Variants in BMPR1B observed in about 807,000 individuals in gnomAD.
BMPR1B encodes the protein bone morphogenetic protein receptor type 1B.
BMPR1B carries 12 observed loss-of-function variants against 59.1 expected under a neutral mutation model. That is an observed-to-expected ratio of 0.20 (90% confidence interval 0.13 to 0.33). The LOEUF is 0.33. BMPR1B is among the 10% of genes least tolerant of loss of function. The probability of loss-of-function intolerance (pLI) is 1.00; values close to 1 mark genes in which losing one functional copy is unlikely to be tolerated. For missense variants in BMPR1B, 550 were observed against 610.9 expected (o/e 0.90, Z 1.05); for synonymous variants, 237 against 207.3 (o/e 1.14, Z -1.23).
chr4:94,899,286 C>CT (rs1727709485), intron 2 of BMPR1B, among the ~76,000 whole-genome samples: 1 of 151,780 alleles, frequency 6.6e-6, no homozygotes, highest in Admixed American at 6.6e-5. Flanking sequence ...TCCACAAACT[C>CT]TTTTTTAAAA....
Position 94,894,679 on chromosome 4 carries a change from A to G in BMPR1B, c.-113+18779A>G, listed in dbSNP as rs149766585. The stretch of plus-strand genomic sequence containing the variant: ...ACTAGGCATTTATTTTCCCTGAGAT[A>G]TCTTTTGATCATTTTTCTAAAAGGG... On this transcript the variant is annotated intron_variant, in intron 2 of 12. Coordinates refer to ENST00000515059, the MANE Select transcript of BMPR1B (RefSeq NM_001203.3). Among the ~76,000 whole-genome samples, 347 of 151,690 alleles carry G rather than the reference A, an allele frequency of 2.3e-3. 4 individuals carry two copies. The highest frequency in any genetic ancestry group is 7.8e-3 in the African/African-American group (323 of 41,184).
chr4:94,990,864 G>A (rs147860182), intron 2 of BMPR1B, among the ~76,000 whole-genome samples: 240 of 151,936 alleles, frequency 1.6e-3, no homozygotes, highest in African/African-American at 5.3e-3. Context: ...TCTTTTCTTC[G>A]TGGCCGAACT....
chr4:95,136,607 A>G (rs1733809028), intron 10 of BMPR1B, among the ~76,000 whole-genome samples: 1 of 152,122 alleles, frequency 6.6e-6, no homozygotes, highest in Non-Finnish European at 1.5e-5. Flanking sequence ...TAGTCTATTC[A>G]GGGATTCAGC....
At chr4:94,909,107 GCTTT>G (rs1728178422) in intron 2 of BMPR1B, among the ~76,000 whole-genome samples, 2 of 151,918 alleles carry the variant, frequency 1.3e-5, no homozygotes, top group Admixed American at 6.6e-5. Context: ...CTTTCACATG[GCTTT>G]CTTTATGTAT....
intron 2 of BMPR1B, among the ~76,000 whole-genome samples, chr4:94,890,936 G>A (rs1376567453): frequency 6.6e-6 from 1 of 151,996 alleles, no homozygotes; most frequent in Non-Finnish European, 1.5e-5. Context: ...AGTGGTTAAA[G>A]GAAAGGACCA....
chr4:94,998,136 T>C (rs1722187098), intron 3 of BMPR1B, among the ~76,000 whole-genome samples: 1 of 152,220 alleles, frequency 6.6e-6, no homozygotes, highest in Non-Finnish European at 1.5e-5. Flanking sequence ...TGAAATGCCT[T>C]GTCAGTATTA....
chr4:95,119,838 A>G lies in BMPR1B; in HGVS notation c.350-3972A>G, dbSNP rs557773239. ...ATCATGAAGTTTGGATAAGAAATTCATAGTGGATTTTTGTTTGTAATAGAT... is the reference window on the plus strand; with the variant it reads ...ATCATGAAGTTTGGATAAGAAATTCGTAGTGGATTTTTGTTTGTAATAGAT... On this transcript the variant is annotated intron_variant, in intron 6 of 12. Coordinates refer to ENST00000515059, the MANE Select transcript of BMPR1B (RefSeq NM_001203.3). Among the ~76,000 whole-genome samples, 18 of 152,348 alleles carry G rather than the reference A, an allele frequency of 1.2e-4. No homozygotes were observed. The East Asian group carries it at 2.1e-3, about 18-fold the overall frequency.
intron 1 of BMPR1B, among the ~76,000 whole-genome samples, chr4:94,799,630 T>C (rs1402546633): frequency 2.0e-5 from 3 of 151,570 alleles, no homozygotes; most frequent in Non-Finnish European, 4.4e-5. Context: ...TGATTTTTTT[T>C]CCCTCTTTTG....
intron 3 of BMPR1B, among the ~76,000 whole-genome samples, chr4:95,053,911 T>A (rs1452545236): frequency 1.3e-5 from 2 of 152,188 alleles, no homozygotes; most frequent in African/African-American, 4.8e-5. Flanking sequence ...AGTTAAATAT[T>A]CCTTGACAAC....
intron 2 of BMPR1B, 200 bp from the exon 3 acceptor site, chr4:94,995,840 A>G (rs1174103738): frequency 6.6e-6 from 1 of 152,238 alleles, no homozygotes; most frequent in Non-Finnish European, 1.5e-5. Flanking sequence ...CACGGTGTTC[A>G]GTAACACAGA....
chr4:94,819,312 A>G (rs973106564), intron 1 of BMPR1B, among the ~76,000 whole-genome samples: 2 of 152,186 alleles, frequency 1.3e-5, no homozygotes, highest in African/African-American at 4.8e-5. Context: ...TACCGCTACA[A>G]CTTCTCTTTG....
intron 1 of BMPR1B, among the ~76,000 whole-genome samples, chr4:94,764,378 G>A (rs1721886695): frequency 6.6e-6 from 1 of 152,204 alleles, no homozygotes; most frequent in Non-Finnish European, 1.5e-5. Context: ...CTCTTCCCAA[G>A]GTATTCTTCT....
intron 2 of BMPR1B, among the ~76,000 whole-genome samples, chr4:94,953,482 C>T (rs1437101273): frequency 8.5e-5 from 13 of 152,124 alleles, no homozygotes; most frequent in Admixed American, 8.5e-4. Flanking sequence ...TCAGCATTTG[C>T]TTGTGTATAA....
intron 1 of BMPR1B, among the ~76,000 whole-genome samples, chr4:94,863,846 C>T (rs765951410): frequency 2.0e-5 from 3 of 152,156 alleles, no homozygotes; most frequent in Admixed American, 1.3e-4. Flanking sequence ...TTCCCGAAAC[C>T]GTATCTGAAT....
At chr4:95,114,935 G>C (rs963215245) in intron 5 of BMPR1B, 113 bp downstream of exon 5, 6 of 1,009,820 alleles carry the variant, frequency 5.9e-6, no homozygotes, top group African/African-American at 1.6e-5. Flanking sequence ...ATAGTCATGA[G>C]CTGCACAAAA....
chr4:94,958,483 G>A, intron 2 of BMPR1B, among the ~76,000 whole-genome samples: 1 of 152,104 alleles, frequency 6.6e-6, no homozygotes, highest in Non-Finnish European at 1.5e-5. Context: ...GCTACCCTTT[G>A]CTGCTTCCTT....
intron 2 of BMPR1B, among the ~76,000 whole-genome samples, chr4:94,978,432 G>A (rs780445097): frequency 2.0e-4 from 31 of 152,130 alleles, no homozygotes; most frequent in Non-Finnish European, 4.3e-4. Flanking sequence ...GTAGTTTCAA[G>A]GTCTCTCTAG....
intron 3 of BMPR1B, among the ~76,000 whole-genome samples, chr4:95,072,919 A>G (rs1343854009): frequency 6.6e-6 from 1 of 152,114 alleles, no homozygotes; most frequent in Non-Finnish European, 1.5e-5. Flanking sequence ...AAGCATAATC[A>G]TTTTCTTGAG....
chr4:95,123,753 CTTATT>C (rs1273801038), intron 6 of BMPR1B, 52 bp from the exon 7 acceptor site: 2 of 1,341,910 alleles, frequency 1.5e-6, no homozygotes, highest in African/African-American at 2.9e-5. Flanking sequence ...GAGTTACTTT[CTTATT>C]TTTAAGTAAA....
Sources: gnomAD v4.1 joint callset for allele counts (sites outside exome capture counted in the v4.1 genomes callset) on GRCh38, gnomAD v4.1.1 for gene constraint, MANE v1.5 for transcripts, NCBI Gene and HGNC (gene_info 2026-07-23, HGNC 2026-07-21) for gene names.